The following CERT1 variants were observed in gnomAD, a reference collection of about 807,000 sequenced individuals.
CERT1 encodes the protein ceramide transfer protein.
A neutral mutation model predicts 87.9 loss-of-function variants in CERT1; 31 were observed. The ratio of observed to expected loss-of-function variants is 0.35; its 90% CI spans 0.27 to 0.48. The LOEUF is 0.48. Ranked by LOEUF, CERT1 falls within the 20% of genes least tolerant of loss-of-function variation. The pLI is 0.99. For synonymous variants in CERT1, 289 were observed against 250.9 expected, an observed-to-expected ratio of 1.15 and a Z score of -1.44; for missense variants, 487 against 758.0, an observed-to-expected ratio of 0.64 and a Z score of 4.20.
intron 2 of CERT1, among the ~76,000 whole-genome samples, chr5:75,462,385 C>T (rs1344150259): frequency 6.6e-6 from 1 of 152,190 alleles, no homozygotes; most frequent in Admixed American, 6.5e-5. Flanking sequence ...GAGCGTGCAA[C>T]CTAGATCCCT....
intron 2 of CERT1, among the ~76,000 whole-genome samples, chr5:75,477,537 G>C (rs939781712): frequency 1.3e-5 from 2 of 151,162 alleles, no homozygotes; most frequent in African/African-American, 4.9e-5. Flanking sequence ...AAAATTTCTG[G>C]GGTTTTGTAA....
At chr5:75,370,035 G>C (rs3733907) in intron 17 of CERT1, 20,739 of 152,134 alleles carry the variant, frequency 0.14, 1,599 homozygotes, top group East Asian at 0.21. Flanking sequence ...CACCTTATTT[G>C]CAGGTTATAT....
rs757349878 is a variant in CERT1, at chr5:75,485,312, CAA to C, written c.231+20668_231+20669del. ...CCAAGACACTGTCTACACAAAAATA[CAA>C]AAAAAAAAAAAAAAAAAAAAAAAGA... On this transcript the variant is annotated intron_variant, in intron 2 of 16. Coordinates refer to ENST00000643780, the MANE Select transcript of CERT1 (RefSeq NM_001379029.1). Among the ~76,000 whole-genome samples, 135 of 46,448 alleles carry C rather than the reference CAA, an allele frequency of 2.9e-3. No homozygotes were observed. The East Asian group carries it at 0.059, about 20-fold the overall frequency. The allele number at this position is 46,448 out of a possible 152,430, so 30.5% of individuals were successfully genotyped here.
At chr5:75,472,658 G>A (rs1765767852) in intron 2 of CERT1, among the ~76,000 whole-genome samples, 1 of 152,106 alleles carries the variant, frequency 6.6e-6, no homozygotes, top group African/African-American at 2.4e-5. Context: ...ACAGGTATAT[G>A]AAAAAATGCT....
intron 2 of CERT1, among the ~76,000 whole-genome samples, chr5:75,501,699 G>A (rs945947786): frequency 1.3e-4 from 20 of 152,040 alleles, no homozygotes; most frequent in African/African-American, 3.9e-4. Flanking sequence ...ATAAATATGG[G>A]ACCGTAATAT....
At chr5:75,503,305 C>T (rs1767472038) in intron 2 of CERT1, among the ~76,000 whole-genome samples, 1 of 151,618 alleles carries the variant, frequency 6.6e-6, no homozygotes, top group African/African-American at 2.4e-5. Context: ...CATAAGAGTG[C>T]CATATAAAGA....
downstream of CERT1, chr5:75,376,175 A>C (rs1761304162): frequency 6.6e-6 from 1 of 152,244 alleles, no homozygotes; most frequent in Non-Finnish European, 1.5e-5. Flanking sequence ...AATGCTGCTA[A>C]TATCCTACCA....
At position 75,446,600 on chromosome 5, in the gene CERT1, A is replaced by G. The variant is rs1262154227; in HGVS notation, c.348+12465T>C. Reference sequence around the variant, plus strand: ...TTTTTGTTGAAAACTGGAACTTTGAATTTACTAGTGTGGTAACTCTGGAAA... The same window carrying G: ...TTTTTGTTGAAAACTGGAACTTTGAGTTTACTAGTGTGGTAACTCTGGAAA... On this transcript the variant is annotated intron_variant, in intron 3 of 16. Transcript: ENST00000643780. Among the ~76,000 whole-genome samples the G allele has an allele frequency of 2.0e-5, 3 of 152,080 alleles. No homozygotes were observed. In the East Asian group the frequency reaches 5.8e-4, roughly 29 times the overall value.
intron 3 of CERT1, among the ~76,000 whole-genome samples, chr5:75,442,669 C>G (rs941441690): frequency 8.5e-5 from 13 of 152,048 alleles, no homozygotes; most frequent in African/African-American, 3.1e-4. Flanking sequence ...CCTCTTTTCC[C>G]TGGTTTCATG....
At chr5:75,470,847 C>T in intron 2 of CERT1, among the ~76,000 whole-genome samples, 1 of 152,050 alleles carries the variant, frequency 6.6e-6, no homozygotes, top group East Asian at 1.9e-4. Context: ...CTAAAGACTC[C>T]ACCAAAATAC....
At chr5:75,473,703 T>C (rs1466471021) in intron 2 of CERT1, among the ~76,000 whole-genome samples, 1 of 152,112 alleles carries the variant, frequency 6.6e-6, no homozygotes, top group African/African-American at 2.4e-5. Context: ...ACTATGTTCT[T>C]GAAAAATGCT....
chr5:75,426,193 ATG>A (rs1287997576), intron 4 of CERT1, among the ~76,000 whole-genome samples, 176 bp downstream of exon 4: 7 of 152,034 alleles, frequency 4.6e-5, no homozygotes, highest in African/African-American at 1.7e-4. Flanking sequence ...AATCAGTGAC[ATG>A]TGTTCATCTA....
chr5:75,493,566 T>C (rs1360436204), intron 2 of CERT1, among the ~76,000 whole-genome samples: 1 of 152,234 alleles, frequency 6.6e-6, no homozygotes, highest in East Asian at 1.9e-4. Flanking sequence ...ACCTTTGTTG[T>C]TATGTTTTTT....
intron 3 of CERT1, among the ~76,000 whole-genome samples, chr5:75,430,655 T>C (rs1169032923): frequency 1.3e-5 from 2 of 151,820 alleles, no homozygotes; most frequent in East Asian, 1.9e-4. Context: ...CCCAATAAAG[T>C]TGATAAAGAA....
At chr5:75,427,690 G>C (rs187526641) in intron 3 of CERT1, among the ~76,000 whole-genome samples, 62 of 152,242 alleles carry the variant, frequency 4.1e-4, no homozygotes, top group African/African-American at 1.4e-3. Flanking sequence ...ATCTATCATG[G>C]TTTGACTGAT....
At chr5:75,381,516 T>C (rs956657577) in intron 15 of CERT1, among the ~76,000 whole-genome samples, 5 of 150,638 alleles carry the variant, frequency 3.3e-5, no homozygotes, top group African/African-American at 1.2e-4. Flanking sequence ...TCACCAGGCC[T>C]GGCTAATTAA....
At chr5:75,388,103 A>G (rs1210135292) in intron 12 of CERT1, among the ~76,000 whole-genome samples, 3 of 152,198 alleles carry the variant, frequency 2.0e-5, no homozygotes, top group Non-Finnish European at 4.4e-5. Flanking sequence ...TCTGTAGTGA[A>G]GGTTTGTGAT....
intron 3 of CERT1, among the ~76,000 whole-genome samples, chr5:75,456,871 G>A (rs1409414194): frequency 1.3e-5 from 2 of 151,956 alleles, no homozygotes; most frequent in Admixed American, 6.6e-5. Context: ...TATATACTTC[G>A]TGCATTAATC....
chr5:75,447,728 C>T lies in CERT1; in HGVS notation c.348+11337G>A, dbSNP rs146323314. Among the ~76,000 whole-genome samples, 164 of 152,182 alleles carry T rather than the reference C, an allele frequency of 1.1e-3. 1 individual carries two copies. In the East Asian group the frequency reaches 0.027, roughly 25 times the overall value. ...TGACCTCGTGATCCACCCACCTCAG[C>T]CTCCCAGAGTGCTGGGATAACAGGT... On this transcript the variant is annotated intron_variant, in intron 3 of 16. Coordinates refer to ENST00000643780, the MANE Select transcript of CERT1 (RefSeq NM_001379029.1).
Sources: gnomAD v4.1 joint callset for allele counts (sites outside exome capture counted in the v4.1 genomes callset) on GRCh38, gnomAD v4.1.1 for gene constraint, MANE v1.5 for transcripts, NCBI Gene and HGNC (gene_info 2026-07-23, HGNC 2026-07-21) for gene names.